Variants in ADGRL3 observed in about 807,000 individuals in gnomAD.
The protein encoded by ADGRL3 is calcium-independent alpha-latrotoxin receptor 3.
Under a neutral mutation model 153.5 loss-of-function variants are expected in ADGRL3, and 62 were observed. The observed-to-expected ratio is 0.40, with a 90% CI of 0.33 to 0.50. The LOEUF (loss-of-function observed/expected upper bound fraction) is 0.50, where lower values mean the gene tolerates loss of function less well. Ranked by LOEUF, ADGRL3 falls within the 20% of genes least tolerant of loss-of-function variation. ADGRL3 has a pLI of 0.47. For missense variants in ADGRL3, 1,641 were observed against 1,859.4 expected (o/e 0.88, Z 2.16); for synonymous variants, 710 against 672.5 (o/e 1.06, Z -0.86).
intron 5 of ADGRL3, among the ~76,000 whole-genome samples, chr4:61,667,815 T>C (rs772446751): frequency 6.6e-6 from 1 of 152,212 alleles, no homozygotes; most frequent in Non-Finnish European, 1.5e-5. Context: ...GGATAATATG[T>C]ATAAATGTGG....
At chr4:61,420,453 C>T (rs2097191088) in intron 2 of ADGRL3, 1 of 127,488 alleles carries the variant, frequency 7.8e-6, no homozygotes, top group Admixed American at 9.5e-5. Flanking sequence ...GTAGCCCAGG[C>T]TGAAGTGCAG....
At chr4:61,808,978 T>C (rs532041167) in intron 8 of ADGRL3, among the ~76,000 whole-genome samples, 1 of 152,172 alleles carries the variant, frequency 6.6e-6, no homozygotes, top group African/African-American at 2.4e-5. Context: ...AAAATGATAA[T>C]ATTATTAAAA....
chr4:61,757,934 A>G (rs1399685771), intron 8 of ADGRL3, among the ~76,000 whole-genome samples: 2 of 152,144 alleles, frequency 1.3e-5, no homozygotes, highest in African/African-American at 2.4e-5. Flanking sequence ...AGAAGTTTTG[A>G]GTGAGTTTCT....
In ADGRL3 at chr4:61,462,668, TA is replaced by T. The variant is rs897054244; in HGVS notation, c.-173-34446del. 4.6e-5 allele frequency among the ~76,000 whole-genome samples: 7 copies of T among 152,208 alleles called. No homozygotes were observed. In the Middle Eastern group the frequency reaches 0.01, roughly 222 times the overall value. Reference sequence around the variant, plus strand: ...AATAGAGCTGAGTATTTTAGGCAAATAAAAAAACTACAGAAAGAGAAGACTT... The same window carrying T: ...AATAGAGCTGAGTATTTTAGGCAAATAAAAAACTACAGAAAGAGAAGACTT... On this transcript the variant is annotated intron_variant, in intron 2 of 26. Coordinates refer to ENST00000683033, the MANE Select transcript of ADGRL3 (RefSeq NM_001387552.1).
intron 5 of ADGRL3, among the ~76,000 whole-genome samples, chr4:61,654,845 C>G (rs975807871): frequency 6.6e-6 from 1 of 151,018 alleles, no homozygotes; most frequent in Non-Finnish European, 1.5e-5. Flanking sequence ...TGCAGTGAGC[C>G]GAGATCTCAC....
At chr4:62,019,908 A>T (rs1053063362) in intron 21 of ADGRL3, among the ~76,000 whole-genome samples, 2 of 152,138 alleles carry the variant, frequency 1.3e-5, no homozygotes, top group Non-Finnish European at 2.9e-5. Context: ...TCCCAGTGAG[A>T]TTATCTTATT....
intron 5 of ADGRL3, among the ~76,000 whole-genome samples, chr4:61,652,750 C>T (rs1039602292): frequency 6.6e-6 from 1 of 152,158 alleles, no homozygotes; most frequent in Admixed American, 6.5e-5. Flanking sequence ...ATAATTATAA[C>T]CACTTTTTCC....
Position 61,979,634 on chromosome 4 carries a change from T to C in ADGRL3, c.2877T>C (p.Cys959=). The C allele has an allele frequency of 6.2e-7, 1 of 1,613,924 alleles. No homozygotes were observed. Among genetic ancestry groups the C allele is most frequent in the South Asian group, 1.1e-5 (1 of 91,078 alleles). ...TWVGILLSLV[C]LLICIFTFCF... ...TTGGAATTTTGCTGTCCCTTGTTTG[T>C]CTCCTGATTTGCATCTTCACATTTT... Residue 959 remains cysteine, a synonymous_variant, in exon 18 of 27, where the codon TGT becomes TGC. Transcript: ENST00000683033.
intron 6 of ADGRL3, among the ~76,000 whole-genome samples, chr4:61,691,280 T>G (rs2095535261): frequency 6.6e-6 from 1 of 152,166 alleles, no homozygotes; most frequent in South Asian, 2.1e-4. Context: ...TACCTTATCT[T>G]TATCCTCAGA....
intron 5 of ADGRL3, among the ~76,000 whole-genome samples, chr4:61,591,969 G>A (rs2098971280): frequency 1.3e-5 from 2 of 151,592 alleles, no homozygotes; most frequent in Non-Finnish European, 2.9e-5. Context: ...CCAGCTGCTC[G>A]GGGTTGCTGA....
In ADGRL3 at chr4:61,889,344, G is replaced by A. The variant is rs537572533; in HGVS notation, c.1481-3312G>A. 3.3e-5 allele frequency among the ~76,000 whole-genome samples: 5 copies of A among 152,256 alleles called. 1 individual carries two copies. The East Asian group carries it at 7.7e-4, about 24-fold the overall frequency. On this transcript the variant is annotated intron_variant, in intron 9 of 26. Transcript: ENST00000683033. ...GGCAGAAAGAACAGGGTGCAGCTGGGGAACCACTGGTAATTTTCTATGGTT... is the reference window on the plus strand; with the variant it reads ...GGCAGAAAGAACAGGGTGCAGCTGGAGAACCACTGGTAATTTTCTATGGTT...
intron 2 of ADGRL3, among the ~76,000 whole-genome samples, chr4:61,421,399 G>C (rs2097206129): frequency 6.6e-6 from 1 of 151,622 alleles, no homozygotes; most frequent in Non-Finnish European, 1.5e-5. Flanking sequence ...TAACACAGTT[G>C]CTGTGAGGAT....
intron 8 of ADGRL3, among the ~76,000 whole-genome samples, chr4:61,809,006 A>G (rs7671478): frequency 0.16 from 24,165 of 151,946 alleles, 2,101 homozygotes; most frequent in African/African-American, 0.24. Context: ...GAGTAAAAAT[A>G]TGGCATCCAT....
At chr4:62,020,216 G>A (rs988325883) in intron 21 of ADGRL3, among the ~76,000 whole-genome samples, 3 of 152,092 alleles carry the variant, frequency 2.0e-5, no homozygotes, top group African/African-American at 7.2e-5. Context: ...CACCCAGTCA[G>A]AGCATGTTTG....
At chr4:61,437,240 A>T (rs916797582) in intron 2 of ADGRL3, among the ~76,000 whole-genome samples, 1 of 152,204 alleles carries the variant, frequency 6.6e-6, no homozygotes, top group Admixed American at 6.5e-5. Flanking sequence ...TGGAAAGTTG[A>T]TTAAACTCCT....
At chr4:61,575,633 G>A (rs970750821) in intron 4 of ADGRL3, among the ~76,000 whole-genome samples, 4 of 152,050 alleles carry the variant, frequency 2.6e-5, no homozygotes, top group Non-Finnish European at 5.9e-5. Flanking sequence ...CATCTCAAAC[G>A]GTGCTCAATT....
chr4:61,688,211 A>C (rs1160693142), intron 6 of ADGRL3, among the ~76,000 whole-genome samples: 19 of 152,160 alleles, frequency 1.2e-4, no homozygotes, highest in Non-Finnish European at 2.8e-4. Flanking sequence ...ATTTGGAGAA[A>C]AAATAAGTGG....
chr4:61,997,599 G>A (rs2099126172), intron 20 of ADGRL3, among the ~76,000 whole-genome samples: 1 of 152,038 alleles, frequency 6.6e-6, no homozygotes, highest in Non-Finnish European at 1.5e-5. Flanking sequence ...CTGTTTTTCT[G>A]TTTTGTTTTG....
At chr4:61,791,161 A>G (rs551732535) in intron 8 of ADGRL3, among the ~76,000 whole-genome samples, 1 of 152,238 alleles carries the variant, frequency 6.6e-6, no homozygotes, top group East Asian at 1.9e-4. Flanking sequence ...CATTAACTCA[A>G]AAGTCCACAG....
Sources: gnomAD v4.1 joint callset for allele counts (sites outside exome capture counted in the v4.1 genomes callset) on GRCh38, gnomAD v4.1.1 for gene constraint, MANE v1.5 for transcripts, NCBI Gene and HGNC (gene_info 2026-07-23, HGNC 2026-07-21) for gene names.